CHODL: variants seen among roughly 807,000 people sequenced by gnomAD.
CHODL encodes transmembrane protein MT75.
In CHODL, 29 loss-of-function variants were observed where a neutral mutation model predicts 34.5. The observed-to-expected ratio is 0.84, with a 90% CI of 0.63 to 1.15. CHODL has a LOEUF of 1.15. Among genes scored for constraint, CHODL ranks in the 50% most tolerant of loss-of-function variants. The probability of loss-of-function intolerance (pLI) is 0.00; values close to 1 mark genes in which losing one functional copy is unlikely to be tolerated. For synonymous variants in CHODL, 125 were observed against 116.1 expected, an observed-to-expected ratio of 1.08 and a Z score of -0.49; for missense variants, 332 against 332.5, an observed-to-expected ratio of 1.00 and a Z score of 0.01.
At chr21:18,026,987 T>C (rs2064182809) in intron 1 of CHODL, among the ~76,000 whole-genome samples, 1 of 152,200 alleles carries the variant, frequency 6.6e-6, no homozygotes, top group African/African-American at 2.4e-5. Flanking sequence ...TTTAAATTTA[T>C]CTGTCCAGGC....
At chr21:18,030,573 A>T (rs2064236274) in intron 2 of CHODL, among the ~76,000 whole-genome samples, 1 of 152,176 alleles carries the variant, frequency 6.6e-6, no homozygotes, top group Non-Finnish European at 1.5e-5. Flanking sequence ...ATAAGTAATT[A>T]AATGTCCTTC....
chr21:18,083,640 T>C (rs939791139), intron 2 of CHODL, among the ~76,000 whole-genome samples: 5 of 152,220 alleles, frequency 3.3e-5, no homozygotes, highest in African/African-American at 1.2e-4. Context: ...GTGCCCTGGA[T>C]GTGAGACATG....
Position 18,120,300 on chromosome 21 carries a change from T to C in CHODL, c.-45+92329T>C, listed in dbSNP as rs75617631. ...ATGCATAAAAGACAACAGGGAAAAC[T>C]GAACATACCTGGGACCAAGCAGACC... On this transcript the variant is annotated intron_variant, in intron 2 of 6. Transcript: ENST00000400127. Among the ~76,000 whole-genome samples the C allele has an allele frequency of 2.8e-3, 426 of 152,292 alleles. 18 individuals carry two copies. In the East Asian group the frequency reaches 0.067, roughly 24 times the overall value.
At chr21:17,958,870 TCAG>T (rs2063511861) in intron 1 of CHODL, among the ~76,000 whole-genome samples, 1 of 152,114 alleles carries the variant, frequency 6.6e-6, no homozygotes, top group Non-Finnish European at 1.5e-5. Flanking sequence ...CCAGAGTGGT[TCAG>T]TGTATTCTTT....
At chr21:17,934,228 T>TA (rs1187635824) in intron 1 of CHODL, among the ~76,000 whole-genome samples, 9 of 114,300 alleles carry the variant, frequency 7.9e-5, no homozygotes, top group African/African-American at 3.2e-4. Flanking sequence ...CCTGAATCTA[T>TA]AAAAATAAAA....
At chr21:18,077,635 A>G (rs1351689248) in intron 2 of CHODL, among the ~76,000 whole-genome samples, 2 of 151,992 alleles carry the variant, frequency 1.3e-5, no homozygotes, top group African/African-American at 4.8e-5. Context: ...TACAATAGAG[A>G]CTCCAGAGAG....
At chr21:18,224,128 C>T (rs2073909308) in intron 2 of CHODL, among the ~76,000 whole-genome samples, 1 of 152,118 alleles carries the variant, frequency 6.6e-6, no homozygotes, top group Non-Finnish European at 1.5e-5. Context: ...GTTCCCTGAA[C>T]CCTTCAGTCT....
At chr21:17,966,471 T>C (rs2063573054) in intron 1 of CHODL, among the ~76,000 whole-genome samples, 1 of 152,206 alleles carries the variant, frequency 6.6e-6, no homozygotes, top group African/African-American at 2.4e-5. Flanking sequence ...GGCTTTTCAA[T>C]TGGCCCACCT....
chr21:17,950,919 T>C (rs1391199170), intron 1 of CHODL, among the ~76,000 whole-genome samples: 1 of 152,194 alleles, frequency 6.6e-6, no homozygotes, highest in Admixed American at 6.5e-5. Context: ...CTGTCTTGCT[T>C]CTTATGGTCT....
At chr21:17,967,234 A>C (rs373985832) in intron 1 of CHODL, among the ~76,000 whole-genome samples, 21 of 152,128 alleles carry the variant, frequency 1.4e-4, no homozygotes, top group African/African-American at 5.1e-4. Context: ...TTTTAACAGT[A>C]GTTTTATTTC....
intron 2 of CHODL, among the ~76,000 whole-genome samples, chr21:18,045,195 A>G (rs1397864348): frequency 6.6e-6 from 1 of 152,014 alleles, no homozygotes; most frequent in Non-Finnish European, 1.5e-5. Context: ...AAACAGAGGG[A>G]GCTAGAATTA....
At chr21:17,965,643 C>T (rs1014929813) in intron 1 of CHODL, among the ~76,000 whole-genome samples, 3 of 152,130 alleles carry the variant, frequency 2.0e-5, no homozygotes, top group East Asian at 1.9e-4. Flanking sequence ...GATGATTTCA[C>T]GTCACTTTCT....
chr21:18,241,855 C>T (rs185839028), upstream of CHODL, among the ~76,000 whole-genome samples: 14 of 152,224 alleles, frequency 9.2e-5, no homozygotes, highest in African/African-American at 2.6e-4. Flanking sequence ...ATTCAGCGAT[C>T]GACTTATTCC....
In CHODL at chr21:17,964,749, C is replaced by T. The variant is rs73890842; in HGVS notation, c.-145+47349C>T. ...TCTAACATAATCAATGTTAACTGTC[C>T]ATCTGGATGTCTTAGATTACTTTTG... is the stretch of plus-strand genomic sequence containing the variant. On this transcript the variant is annotated intron_variant, in intron 1 of 6. Coordinates refer to the CHODL transcript ENST00000400127. Among the ~76,000 whole-genome samples, 1,080 of 152,194 alleles carry T rather than the reference C, an allele frequency of 7.1e-3. 22 individuals carry two copies. Among genetic ancestry groups the T allele is most frequent in the African/African-American group, 0.025 (1,022 of 41,522 alleles).
At chr21:17,982,157 G>A (rs984598191) in intron 1 of CHODL, among the ~76,000 whole-genome samples, 4 of 152,186 alleles carry the variant, frequency 2.6e-5, no homozygotes, top group African/African-American at 7.2e-5. Context: ...TAAAACAACA[G>A]GCCTCTCTTA....
rs189147142 is a variant in CHODL, at chr21:18,021,124, G to A, written c.-144-6748G>A. On this transcript the variant is annotated intron_variant, in intron 1 of 6. Transcript: ENST00000400127. ...ATTTGGAAGTTGTCAGCATAAAAGA[G>A]CCTGTTAATACCATGGCCTTGGATG... Among the ~76,000 whole-genome samples, 6 of 152,304 alleles carry A rather than the reference G, an allele frequency of 3.9e-5. No homozygotes were observed. In the East Asian group the frequency reaches 1.2e-3, roughly 29 times the overall value.
At chr21:18,140,298 C>T (rs1383479365) in intron 2 of CHODL, among the ~76,000 whole-genome samples, 1 of 152,002 alleles carries the variant, frequency 6.6e-6, no homozygotes. Context: ...CTTGATAATC[C>T]CTAAAATTTA....
intron 1 of CHODL, among the ~76,000 whole-genome samples, chr21:17,978,142 G>A (rs372566371): frequency 3.3e-5 from 5 of 151,976 alleles, no homozygotes; most frequent in Non-Finnish European, 5.9e-5. Flanking sequence ...AAAACACGTC[G>A]GCCAGGCGTG....
At chr21:18,063,417 A>G (rs750254106) in intron 2 of CHODL, among the ~76,000 whole-genome samples, 71 of 152,184 alleles carry the variant, frequency 4.7e-4, no homozygotes, top group Non-Finnish European at 9.0e-4. Context: ...ATTGAAGACG[A>G]ACAGCATGAC....
Sources: gnomAD v4.1 joint callset for allele counts (sites outside exome capture counted in the v4.1 genomes callset) on GRCh38, gnomAD v4.1.1 for gene constraint, MANE v1.5 for transcripts, NCBI Gene and HGNC (gene_info 2026-07-23, HGNC 2026-07-21) for gene names.